Variants in PPM1H observed in about 807,000 individuals in gnomAD.
PPM1H encodes protein phosphatase, Mg2+/Mn2+ dependent 1H, also known as protein phosphatase 1H.
Under a neutral mutation model 54.9 loss-of-function variants are expected in PPM1H, and 27 were observed. The ratio of observed to expected loss-of-function variants is 0.49; its 90% CI spans 0.36 to 0.68. The LOEUF (loss-of-function observed/expected upper bound fraction) is 0.68, where lower values mean the gene tolerates loss of function less well. Ranked by LOEUF, PPM1H falls within the 30% of genes least tolerant of loss-of-function variation. The pLI, the probability that PPM1H is intolerant of heterozygous loss-of-function variation, is 0.00. For synonymous variants in PPM1H, 305 were observed against 270.8 expected, an observed-to-expected ratio of 1.13 and a Z score of -1.24; for missense variants, 596 against 667.8, an observed-to-expected ratio of 0.89 and a Z score of 1.19.
intron 5 of PPM1H, among the ~76,000 whole-genome samples, chr12:62,730,169 G>A (rs543722543): frequency 6.6e-6 from 1 of 151,748 alleles, no homozygotes; most frequent in African/African-American, 2.4e-5. Context: ...CTCTCTTTTC[G>A]GACTCAGCCC....
chr12:62,712,952 A>G (rs935242246), intron 6 of PPM1H, among the ~76,000 whole-genome samples: 2 of 152,236 alleles, frequency 1.3e-5, no homozygotes, highest in African/African-American at 4.8e-5. Context: ...AGTTGGCTTC[A>G]TAAGCATTCT....
intron 2 of PPM1H, among the ~76,000 whole-genome samples, chr12:62,822,913 T>C (rs780955102): frequency 1.3e-5 from 2 of 151,476 alleles, no homozygotes; most frequent in African/African-American, 4.9e-5. Flanking sequence ...CTGAAGGAGA[T>C]AGAGACACAA....
chr12:62,794,226 A>G (rs1328430159), intron 3 of PPM1H, among the ~76,000 whole-genome samples: 1 of 152,188 alleles, frequency 6.6e-6, no homozygotes, highest in Non-Finnish European at 1.5e-5. Flanking sequence ...TCTAACAAAA[A>G]CAAAGAGAAC....
chr12:62,928,769 G>C (rs1872047268), intron 1 of PPM1H, among the ~76,000 whole-genome samples: 1 of 150,756 alleles, frequency 6.6e-6, no homozygotes, highest in Non-Finnish European at 1.5e-5. Flanking sequence ...AATCCTGCTA[G>C]GTCAGTTGAG....
intron 3 of PPM1H, among the ~76,000 whole-genome samples, chr12:62,793,649 G>A (rs1332961178): frequency 6.6e-6 from 1 of 151,554 alleles, no homozygotes; most frequent in Non-Finnish European, 1.5e-5. Flanking sequence ...GCTTGAACCC[G>A]GGAGGTGGAG....
intron 1 of PPM1H, among the ~76,000 whole-genome samples, chr12:62,841,092 T>C (rs888597062): frequency 1.3e-5 from 2 of 151,548 alleles, no homozygotes; most frequent in Non-Finnish European, 2.9e-5. Flanking sequence ...ATGAGGAGAA[T>C]GAGGTGCCAC....
intron 4 of PPM1H, among the ~76,000 whole-genome samples, chr12:62,782,168 T>C (rs1221290572): frequency 6.6e-6 from 1 of 152,250 alleles, no homozygotes; most frequent in Non-Finnish European, 1.5e-5. Context: ...TGTGGATAGA[T>C]GAACCACTTA....
At chr12:62,783,439 A>C (rs527676004) in intron 4 of PPM1H, among the ~76,000 whole-genome samples, 222 of 152,370 alleles carry the variant, frequency 1.5e-3, no homozygotes, top group African/African-American at 4.9e-3. Flanking sequence ...AAATGAGAAA[A>C]ACAAAACCTC....
chr12:62,732,728 C>T (rs928451215), intron 5 of PPM1H, among the ~76,000 whole-genome samples: 2 of 151,966 alleles, frequency 1.3e-5, no homozygotes, highest in South Asian at 2.1e-4. Context: ...CCCGCCACTA[C>T]GCCCGGCTAA....
intron 1 of PPM1H, among the ~76,000 whole-genome samples, chr12:62,843,619 A>C (rs1868841006): frequency 6.6e-6 from 1 of 152,260 alleles, no homozygotes; most frequent in Non-Finnish European, 1.5e-5. Flanking sequence ...GACACTTCAC[A>C]TGGTTTCAGT....
intron 1 of PPM1H, among the ~76,000 whole-genome samples, chr12:62,890,743 C>CAA (rs1870762821): frequency 6.7e-6 from 1 of 148,562 alleles, no homozygotes; most frequent in Non-Finnish European, 1.5e-5. Flanking sequence ...CACACACACA[C>CAA]ACACACACAC....
In PPM1H at chr12:62,649,346, T is replaced by C. The variant is rs112386162; in HGVS notation, c.1398-710A>G. Among the ~76,000 whole-genome samples the C allele has an allele frequency of 8.5e-5, 13 of 152,232 alleles. 1 individual carries two copies. The highest frequency in any genetic ancestry group is 2.4e-4 in the African/African-American group (10 of 41,534). ...ATCCCTTAAGAATTTGAAAATAAGA[T>C]TGCTGAGATTTAAACTGTAAGCTTA... On this transcript the variant is annotated intron_variant, in intron 9 of 9. Transcript: ENST00000228705.
chr12:62,865,355 C>T (rs529905781), intron 1 of PPM1H, among the ~76,000 whole-genome samples: 4 of 152,274 alleles, frequency 2.6e-5, no homozygotes, highest in Admixed American at 1.3e-4. Flanking sequence ...CTTCCCTCCA[C>T]CCCATCACCG....
At chr12:62,663,868 G>A (rs960300721) in intron 9 of PPM1H, among the ~76,000 whole-genome samples, 2 of 152,126 alleles carry the variant, frequency 1.3e-5, no homozygotes, top group African/African-American at 4.8e-5. Context: ...GCACATGCCT[G>A]TAATCCCAGC....
intron 1 of PPM1H, among the ~76,000 whole-genome samples, chr12:62,865,590 G>A (rs1001171453): frequency 1.5e-4 from 23 of 151,986 alleles, no homozygotes; most frequent in African/African-American, 4.6e-4. Flanking sequence ...TCCGTCTCCC[G>A]GGCTCAAGCT....
intron 1 of PPM1H, among the ~76,000 whole-genome samples, chr12:62,853,953 G>A (rs946202151): frequency 6.6e-6 from 1 of 152,080 alleles, no homozygotes; most frequent in African/African-American, 2.4e-5. Context: ...CTACAGAGAT[G>A]GCCAAGCTGC....
intron 1 of PPM1H, among the ~76,000 whole-genome samples, chr12:62,928,249 C>G (rs916392613): frequency 2.6e-5 from 4 of 152,132 alleles, no homozygotes; most frequent in Non-Finnish European, 1.5e-5. Flanking sequence ...AAATGCTATA[C>G]CGTTCTTAAG....
Position 62,767,930 on chromosome 12 carries a change from C to T in PPM1H, c.869+20296G>A, listed in dbSNP as rs1369729237. Among the ~76,000 whole-genome samples the T allele has an allele frequency of 2.6e-5, 4 of 152,272 alleles. No homozygotes were observed. In the East Asian group the frequency reaches 7.7e-4, roughly 29 times the overall value. Reference sequence around the variant, plus strand: ...CTTCCCTGTGTCTGTCTACACATGCCCTTCTTAAGTCCAGTCACTGGATTT... The same window carrying T: ...CTTCCCTGTGTCTGTCTACACATGCTCTTCTTAAGTCCAGTCACTGGATTT... On this transcript the variant is annotated intron_variant, in intron 4 of 9. Coordinates refer to ENST00000228705, the MANE Select transcript of PPM1H (RefSeq NM_020700.2).
At chr12:62,668,733 G>A (rs1026561880) in intron 8 of PPM1H, among the ~76,000 whole-genome samples, 2 of 152,228 alleles carry the variant, frequency 1.3e-5, no homozygotes, top group Non-Finnish European at 1.5e-5. Context: ...CAGGGCACAT[G>A]TCCTATGGCA....
Sources: gnomAD v4.1 joint callset for allele counts (sites outside exome capture counted in the v4.1 genomes callset) on GRCh38, gnomAD v4.1.1 for gene constraint, MANE v1.5 for transcripts, NCBI Gene and HGNC (gene_info 2026-07-23, HGNC 2026-07-21) for gene names.